Variants in DIS3L2 observed in about 807,000 individuals in gnomAD.
DIS3L2 encodes DIS3-like exonuclease 2.
DIS3L2 carries 34 observed loss-of-function variants against 97.5 expected under a neutral mutation model. That is an observed-to-expected ratio of 0.35 (90% CI 0.27 to 0.46). The LOEUF is 0.46. Among genes scored for constraint, DIS3L2 ranks in the 20% least tolerant of loss-of-function variants. DIS3L2 has a pLI of 1.00. For missense variants in DIS3L2, 1,038 were observed against 1,146.0 expected (o/e 0.91, Z 1.36); for synonymous variants, 435 against 445.2 (o/e 0.98, Z 0.29).
intron 14 of DIS3L2, among the ~76,000 whole-genome samples, chr2:232,301,057 C>G (rs182155437): frequency 6.6e-6 from 1 of 152,190 alleles, no homozygotes; most frequent in Non-Finnish European, 1.5e-5. Context: ...ATGGTAATGA[C>G]AGCGGCTACC....
chr2:232,161,627 C>T (rs1453263224), intron 8 of DIS3L2, among the ~76,000 whole-genome samples: 2 of 152,166 alleles, frequency 1.3e-5, no homozygotes, highest in Non-Finnish European at 2.9e-5. Context: ...TGTACCACCA[C>T]ACCCAGCTAA....
chr2:232,339,798 C>A, downstream of DIS3L2: 1 of 448,254 alleles, frequency 2.2e-6, no homozygotes, highest in Non-Finnish European at 4.5e-6. Flanking sequence ...GCAGCTGTGA[C>A]CTGCCCGGCA....
chr2:232,184,912 C>G (rs1691394395), intron 9 of DIS3L2, among the ~76,000 whole-genome samples: 1 of 152,168 alleles, frequency 6.6e-6, no homozygotes, highest in African/African-American at 2.4e-5. Flanking sequence ...TTGCATTGTA[C>G]TTCATCCATT....
chr2:231,991,677 C>T (rs900358648), intron 1 of DIS3L2, among the ~76,000 whole-genome samples: 2 of 152,144 alleles, frequency 1.3e-5, no homozygotes, highest in Non-Finnish European at 2.9e-5. Context: ...CAAACTGTGC[C>T]TGTAATTCCT....
rs55757645 is a variant in DIS3L2 at position 232,005,170 on chromosome 2, A to AT, written c.-93-9644dup. ...TGTTAAATTCCTTTGAAGAATCTTG[A>AT]TTTTTTTTTTTTTTTTTTTTTATTT... On this transcript the variant is annotated intron_variant, in intron 1 of 20. Coordinates refer to ENST00000325385, the MANE Select transcript of DIS3L2 (RefSeq NM_152383.5). Among the ~76,000 whole-genome samples the AT allele has an allele frequency of 8.9e-3, 1,121 of 126,512 alleles. 9 individuals carry two copies. The highest frequency in any genetic ancestry group is 0.012 in the Non-Finnish European group (725 of 62,574). 83.0% of individuals were successfully genotyped at this position (126,512 alleles called of 152,430 possible). A position where few individuals can be genotyped will look rare whatever the true frequency, so the allele number is the denominator to read the frequency against.
chr2:232,042,654 C>T (rs1478718708), intron 5 of DIS3L2, among the ~76,000 whole-genome samples: 3 of 152,158 alleles, frequency 2.0e-5, no homozygotes, highest in East Asian at 3.8e-4. Flanking sequence ...CAGGTTCTTG[C>T]CTGCTTTAAA....
chr2:232,085,202 G>A (rs1487543700), intron 5 of DIS3L2, among the ~76,000 whole-genome samples: 1 of 152,090 alleles, frequency 6.6e-6, no homozygotes, highest in Non-Finnish European at 1.5e-5. Context: ...TGATAAACTA[G>A]GCACACCCTC....
chr2:232,132,542 T>A (rs2106351804), intron 7 of DIS3L2, among the ~76,000 whole-genome samples: 1 of 152,250 alleles, frequency 6.6e-6, no homozygotes, highest in African/African-American at 2.4e-5. Context: ...AGCAGGGACC[T>A]CACAACCCCC....
chr2:232,039,343 C>G (rs1234520105), intron 5 of DIS3L2, among the ~76,000 whole-genome samples: 1 of 152,148 alleles, frequency 6.6e-6, no homozygotes, highest in Non-Finnish European at 1.5e-5. Flanking sequence ...TTTGTTAGTA[C>G]AAAAGCATAT....
chr2:232,161,495 G>A (rs994249545), intron 8 of DIS3L2, among the ~76,000 whole-genome samples: 11 of 151,896 alleles, frequency 7.2e-5, no homozygotes, highest in Admixed American at 7.2e-4. Context: ...TTTTGAGATA[G>A]CATCTCGCTC....
intron 14 of DIS3L2, among the ~76,000 whole-genome samples, chr2:232,320,114 A>G (rs1225797397): frequency 7.8e-6 from 1 of 128,816 alleles, no homozygotes; most frequent in African/African-American, 2.9e-5. Flanking sequence ...AAGAGAGGGC[A>G]GAGCTGGGGC....
chr2:232,145,697 A>G (rs1690198308), intron 8 of DIS3L2, among the ~76,000 whole-genome samples: 1 of 152,152 alleles, frequency 6.6e-6, no homozygotes, highest in Non-Finnish European at 1.5e-5. Context: ...TGAAGTACTT[A>G]TCTTTGAGTT....
chr2:231,999,270 A>AT (rs1402759871), intron 1 of DIS3L2, among the ~76,000 whole-genome samples: 1 of 152,056 alleles, frequency 6.6e-6, no homozygotes, highest in Admixed American at 6.6e-5. Context: ...AGAATTGGCC[A>AT]TTTTTCCATT....
intron 8 of DIS3L2, among the ~76,000 whole-genome samples, chr2:232,157,149 G>T (rs1690515306): frequency 6.6e-6 from 1 of 152,144 alleles, no homozygotes; most frequent in Non-Finnish European, 1.5e-5. Flanking sequence ...ATCAGTCAGG[G>T]TTCTTGTAGT....
intron 9 of DIS3L2, among the ~76,000 whole-genome samples, chr2:232,173,546 TC>T (rs1313405641): frequency 2.0e-5 from 3 of 152,172 alleles, no homozygotes; most frequent in African/African-American, 7.2e-5. Context: ...TAAGTTTTCT[TC>T]TATGAACTTT....
intron 1 of DIS3L2, among the ~76,000 whole-genome samples, chr2:232,007,022 C>A (rs1694071201): frequency 6.6e-6 from 1 of 152,008 alleles, no homozygotes; most frequent in East Asian, 1.9e-4. Flanking sequence ...TGAGTCCAGA[C>A]CACATTTTTA....
chr2:232,093,337 G>A (rs1696901225), intron 6 of DIS3L2, among the ~76,000 whole-genome samples: 1 of 151,922 alleles, frequency 6.6e-6, no homozygotes, highest in South Asian at 2.1e-4. Context: ...CAGTGATATT[G>A]GCCTGTAGTT....
chr2:232,139,797 TAATACAC>T (rs1002200181), intron 8 of DIS3L2, among the ~76,000 whole-genome samples: 2 of 152,050 alleles, frequency 1.3e-5, no homozygotes, highest in Non-Finnish European at 2.9e-5. Flanking sequence ...CAGGAGGTCA[TAATACAC>T]AATTGCAGTA....
chr2:232,154,275 C>T (rs1459783239), intron 8 of DIS3L2, among the ~76,000 whole-genome samples: 55 of 10,108 alleles, frequency 5.4e-3, no homozygotes, highest in African/African-American at 0.02. Context: ...GGAGGAGAGG[C>T]GCTCTGCGTT....
Sources: gnomAD v4.1 joint callset for allele counts (sites outside exome capture counted in the v4.1 genomes callset) on GRCh38, gnomAD v4.1.1 for gene constraint, MANE v1.5 for transcripts, NCBI Gene and HGNC (gene_info 2026-07-23, HGNC 2026-07-21) for gene names.